TBX20: variants seen among roughly 807,000 people sequenced by gnomAD.
TBX20 encodes the protein T-box transcription factor 20, also known as T-box transcription factor TBX20.
Under a neutral mutation model 42.9 loss-of-function variants are expected in TBX20, and 8 were observed. The observed-to-expected ratio is 0.19, with a 90% CI of 0.11 to 0.34. The LOEUF is 0.34. Ranked by LOEUF, TBX20 falls within the 10% of genes least tolerant of loss-of-function variation. The pLI, the probability that TBX20 is intolerant of heterozygous loss-of-function variation, is 1.00. For synonymous variants in TBX20, 198 were observed against 222.8 expected (o/e 0.89, Z 0.99); for missense variants, 411 against 566.0 (o/e 0.73, Z 2.78).
chr7:35,236,544 A>C (rs995488134), intron 5 of TBX20, among the ~76,000 whole-genome samples: 1 of 152,136 alleles, frequency 6.6e-6, no homozygotes, highest in African/African-American at 2.4e-5. Context: ...GACTAATGAA[A>C]ATGCTAACCC....
chr7:35,204,868 A>C (rs1395399000), intron 6 of TBX20, among the ~76,000 whole-genome samples: 3 of 152,202 alleles, frequency 2.0e-5, no homozygotes, highest in Admixed American at 1.3e-4. Context: ...AGGAGCTATG[A>C]AACCTGACCA....
chr7:35,205,077 T>C (rs73691643), intron 6 of TBX20, among the ~76,000 whole-genome samples: 2,331 of 152,302 alleles, frequency 0.015, 46 homozygotes, highest in African/African-American at 0.052. Context: ...AAGACTCTAA[T>C]ATTCACCAAG....
At chr7:35,212,312 T>C (rs1461345366) in intron 6 of TBX20, among the ~76,000 whole-genome samples, 2 of 152,216 alleles carry the variant, frequency 1.3e-5, no homozygotes, top group Non-Finnish European at 1.5e-5. Flanking sequence ...ATTTCTGGAA[T>C]GTATGGAATA....
chr7:35,252,813 T>C (rs1790331135), intron 1 of TBX20, among the ~76,000 whole-genome samples: 1 of 152,232 alleles, frequency 6.6e-6, no homozygotes, highest in South Asian at 2.1e-4. Flanking sequence ...ATCCCTGTTC[T>C]CCCTTTACTC....
chr7:35,231,732 A>C, intron 5 of TBX20, 152 bp from the exon 6 acceptor site: 1 of 675,260 alleles, frequency 1.5e-6, no homozygotes. Context: ...TGTTCACAAG[A>C]GGGACAAATC....
chr7:35,206,899 T>A (rs1471037055), intron 6 of TBX20, among the ~76,000 whole-genome samples: 1 of 152,200 alleles, frequency 6.6e-6, no homozygotes, highest in Admixed American at 6.5e-5. Flanking sequence ...ATTGCATGGA[T>A]ATATTATGGT....
chr7:35,253,348 G>T, intron 1 of TBX20, 146 bp downstream of exon 1: 1 of 919,428 alleles, frequency 1.1e-6, no homozygotes, highest in Non-Finnish European at 1.6e-6. Context: ...AAGAAAACTT[G>T]GACCCAAAAG....
chr7:35,233,208 C>A (rs1401293776), intron 5 of TBX20, among the ~76,000 whole-genome samples: 1 of 152,160 alleles, frequency 6.6e-6, no homozygotes, highest in African/African-American at 2.4e-5. Context: ...TGCAAAGAAG[C>A]TATTTATGCC....
At position 35,249,135 on chromosome 7, in the gene TBX20, T is replaced by G. The variant is rs1308095321; in HGVS notation, c.381-294A>C. 6.6e-6 allele frequency among the ~76,000 whole-genome samples: 1 copy of G among 152,114 alleles called. No homozygotes were observed. Among genetic ancestry groups the G allele is most frequent in the Non-Finnish European group, 1.5e-5 (1 of 68,010 alleles). On this transcript the variant is annotated intron_variant, in intron 2 of 7. Transcript: ENST00000408931. This position sits in a 1 kb window ranked among gnomAD's most constrained non-coding sequence, Gnocchi z 4.3. ...TGTGTTAACTCCAGAAGGTCTGTGA[T>G]TAGGGAAAATCCCATGCATTTTAAC...
chr7:35,204,423 A>G, intron 7 of TBX20, 47 bp downstream of exon 7: 2 of 1,307,180 alleles, frequency 1.5e-6, no homozygotes, highest in Non-Finnish European at 2.2e-6. Flanking sequence ...ATTCTCCTTT[A>G]GGTGCTCTGC....
In TBX20 at chr7:35,202,636, G is replaced by C; in HGVS notation, c.1138C>G (p.Pro380Ala). The stretch of plus-strand genomic sequence containing the variant: ...GGCAGAGAACCCTGGATGGGGTGAG[G>C]AATGGGTGTTGCTATGGATGCTGTG... ...TSTASIATPI[P>A]HPIQGSLPPY... Residue 380 changes from proline to alanine, a missense_variant, in exon 8 of 8, where the codon CCT becomes GCT. This residue lies in a region of TBX20 where 162 missense variants were observed against 205.4 expected (regional missense o/e 0.79). Transcript: ENST00000408931. The C allele has an allele frequency of 6.2e-7, 1 of 1,613,958 alleles. No individual in the cohort carries two copies. The highest frequency in any genetic ancestry group is 8.5e-7 in the Non-Finnish European group (1 of 1,179,866).
intron 1 of TBX20, among the ~76,000 whole-genome samples, chr7:35,251,709 T>C (rs548025329): frequency 1.8e-4 from 27 of 152,200 alleles, no homozygotes; most frequent in Non-Finnish European, 3.8e-4. Flanking sequence ...TTCCTTTAAA[T>C]AGACTTTGTA....
chr7:35,219,505 C>T (rs1460057565), intron 6 of TBX20, among the ~76,000 whole-genome samples: 1 of 152,186 alleles, frequency 6.6e-6, no homozygotes, highest in Non-Finnish European at 1.5e-5. Flanking sequence ...TAGCTTTAGG[C>T]TGTACCCAGC....
chr7:35,245,792 C>G (rs6972725), intron 3 of TBX20, among the ~76,000 whole-genome samples: 55,516 of 152,030 alleles, frequency 0.37, 10,493 homozygotes, highest in Admixed American at 0.46. Flanking sequence ...ACATCTTTTA[C>G]GCACTCACAG....
intron 4 of TBX20, among the ~76,000 whole-genome samples, chr7:35,243,663 T>C (rs1448761740): frequency 2.0e-5 from 3 of 151,450 alleles, no homozygotes; most frequent in African/African-American, 7.3e-5. Flanking sequence ...TCATAAATTC[T>C]AAACTGAAAA....
rs1467453378 is a variant in TBX20 at position 35,240,820 on chromosome 7, A to G, written c.813+59T>C. On this transcript the variant is annotated intron_variant, in intron 5 of 7. Coordinates refer to ENST00000408931, the MANE Select transcript of TBX20 (RefSeq NM_001077653.2). Reference sequence around the variant, plus strand: ...GGATATCTCTTCTCTCCAAGAAAATATAAGAACCTCCTAAATCCTTCTCTT... The same window carrying G: ...GGATATCTCTTCTCTCCAAGAAAATGTAAGAACCTCCTAAATCCTTCTCTT... 6 of 1,503,544 alleles carry G rather than the reference A, an allele frequency of 4.0e-6. No individual in the cohort carries two copies. In the African/African-American group the frequency reaches 4.1e-5, roughly 10 times the overall value. The allele number at this position is 1,503,544 out of a possible 1,614,324, so 93.1% of individuals were successfully genotyped here.
At chr7:35,219,489 C>T (rs1789644739) in intron 6 of TBX20, among the ~76,000 whole-genome samples, 1 of 152,058 alleles carries the variant, frequency 6.6e-6, no homozygotes, top group Non-Finnish European at 1.5e-5. Context: ...GGTAAAAAAC[C>T]ATTCTTAGCT....
chr7:35,252,433 C>T (rs1267461678), intron 1 of TBX20, among the ~76,000 whole-genome samples: 1 of 147,138 alleles, frequency 6.8e-6, no homozygotes, highest in African/African-American at 2.5e-5. Flanking sequence ...GTTTCTTTTT[C>T]CTTGGTTTCA....
rs1487025357 is a variant in TBX20, at chr7:35,249,201, A to T, written c.381-360T>A. Among the ~76,000 whole-genome samples, 1 of 152,246 alleles carries T rather than the reference A, an allele frequency of 6.6e-6. No individual in the cohort carries two copies. Among genetic ancestry groups the T allele is most frequent in the African/African-American group, 2.4e-5 (1 of 41,478 alleles). On this transcript the variant is annotated intron_variant, in intron 2 of 7. Transcript: ENST00000408931. This position sits in a 1 kb window ranked among gnomAD's most constrained non-coding sequence, Gnocchi z 4.3. Reference sequence around the variant, plus strand: ...GTGTCCCAGGACCCGAAGTCCCTGGAGCTGACCCAGTCACACAACTCACCC... The same window carrying T: ...GTGTCCCAGGACCCGAAGTCCCTGGTGCTGACCCAGTCACACAACTCACCC...
Sources: allele counts gnomAD v4.1 joint callset (sites outside exome capture counted in the v4.1 genomes callset), GRCh38; gene constraint gnomAD v4.1.1; regional missense constraint gnomAD v4.1.1; non-coding constraint Gnocchi (gnomAD v3.1); transcripts MANE v1.5; gene names NCBI Gene and HGNC (gene_info 2026-07-23, HGNC 2026-07-21).